The following TIAM2 variants were observed in gnomAD, a reference collection of about 807,000 sequenced individuals.
The protein encoded by TIAM2 is TIAM Rac1 associated GEF 2.
TIAM2 carries 80 observed loss-of-function variants against 152.9 expected under a neutral mutation model. The observed-to-expected ratio is 0.52, with a 90% confidence interval of 0.44 to 0.63. The LOEUF (loss-of-function observed/expected upper bound fraction) is 0.63, where lower values mean the gene tolerates loss of function less well. Among genes scored for constraint, TIAM2 ranks in the 30% least tolerant of loss-of-function variants. The pLI, the probability that TIAM2 is intolerant of heterozygous loss-of-function variation, is 0.00. For synonymous variants in TIAM2, 804 were observed against 838.0 expected, an observed-to-expected ratio of 0.96 and a Z score of 0.70; for missense variants, 1,965 against 2,120.1, an observed-to-expected ratio of 0.93 and a Z score of 1.44.
At position 155,175,411 on chromosome 6, in the gene TIAM2, G is replaced by T. The variant is rs561664203; in HGVS notation, c.2362-1405G>T. ...ATTCAAAGTAAAATCACCCATTAAT[G>T]ATAACTTTAAAGTATGATGAATGAT... is the stretch of plus-strand genomic sequence containing the variant. On this transcript the variant is annotated intron_variant, in intron 9 of 26. Transcript: ENST00000682666. Among the ~76,000 whole-genome samples, 7 of 152,294 alleles carry T rather than the reference G, an allele frequency of 4.6e-5. No homozygotes were observed. In the East Asian group the frequency reaches 1.2e-3, roughly 25 times the overall value.
At chr6:155,031,216 A>G (rs1273965892) in intron 1 of TIAM2, among the ~76,000 whole-genome samples, 1 of 152,152 alleles carries the variant, frequency 6.6e-6, no homozygotes, top group East Asian at 1.9e-4. Context: ...ACTTCTTGTC[A>G]ATTTCTTTGT....
chr6:155,036,320 G>A (rs1287610671), intron 1 of TIAM2, among the ~76,000 whole-genome samples: 1 of 151,922 alleles, frequency 6.6e-6, no homozygotes, highest in Non-Finnish European at 1.5e-5. Flanking sequence ...ATCACTTGAG[G>A]TCAGGAATTT....
At chr6:155,191,074 C>T (rs776130753) in intron 14 of TIAM2, among the ~76,000 whole-genome samples, 2 of 152,142 alleles carry the variant, frequency 1.3e-5, no homozygotes, top group Non-Finnish European at 2.9e-5. Flanking sequence ...ACTATCTTCG[C>T]TTTTTCAGAT....
At chr6:155,058,442 G>A (rs1036802474) in intron 1 of TIAM2, among the ~76,000 whole-genome samples, 3 of 152,088 alleles carry the variant, frequency 2.0e-5, no homozygotes, top group African/African-American at 7.2e-5. Context: ...GATAAATTTG[G>A]CAAACACTTT....
chr6:155,118,413 T>C (rs551687198), intron 2 of TIAM2, among the ~76,000 whole-genome samples: 3 of 72,942 alleles, frequency 4.1e-5, no homozygotes, highest in South Asian at 8.7e-4. Flanking sequence ...TATTTTTCTT[T>C]TTTCTTTTTC....
chr6:155,129,972 A>T lies in TIAM2; in HGVS notation c.749A>T (p.Tyr250Phe), dbSNP rs762066322. 1 of 1,614,104 alleles carries T rather than the reference A, an allele frequency of 6.2e-7. No homozygotes were observed. The highest frequency in any genetic ancestry group is 8.5e-7 in the Non-Finnish European group (1 of 1,180,040). Reference sequence around the variant, plus strand: ...TCCCTGAGTTCTGAGTCATCCTGGTACGACTCCCCTTGGGGCAATGCTGGA... The same window carrying T: ...TCCCTGAGTTCTGAGTCATCCTGGTTCGACTCCCCTTGGGGCAATGCTGGA... ...GSSLSSESSW[Y>F]DSPWGNAGEL... Residue 250 changes from tyrosine to phenylalanine, a missense_variant, in exon 4 of 27, where the codon TAC becomes TTC. Around this residue, in one of 3 missense-constraint regions of TIAM2, gnomAD observed 1,025 missense variants for 1,119.4 expected, o/e 0.92. Transcript: ENST00000682666. This position sits in a 1 kb window ranked among gnomAD's most constrained non-coding sequence, Gnocchi z 4.8.
chr6:155,256,919 T>C lies in TIAM2; in HGVS notation c.4904T>C (p.Ile1635Thr), dbSNP rs745889030. ...CTGGTCCGGGGGCACTTCTGCCCCA[T>C]TAAACGAAAAGCCAACAGCACCAAG... ...PKLVRGHFCP[I>T]KRKANSTKRD... Residue 1635 changes from isoleucine (I) to threonine (T), a missense_variant, in exon 27 of 27, where the codon ATT becomes ACT. Ile to Thr is a moderately conservative substitution (Grantham distance 89). Transcript: ENST00000682666. The C allele has an allele frequency of 3.7e-6, 6 of 1,614,148 alleles. No homozygotes were observed. Among genetic ancestry groups the C allele is most frequent in the South Asian group, 3.3e-5 (3 of 91,078 alleles).
intron 7 of TIAM2, among the ~76,000 whole-genome samples, chr6:155,152,161 A>T (rs561617912): frequency 6.6e-6 from 1 of 152,256 alleles, no homozygotes; most frequent in South Asian, 2.1e-4. Flanking sequence ...TTAGAATCTT[A>T]AAGACAGTAA....
At chr6:155,092,629 G>A (rs1167784134) in intron 2 of TIAM2, among the ~76,000 whole-genome samples, 1 of 152,010 alleles carries the variant, frequency 6.6e-6, no homozygotes, top group Non-Finnish European at 1.5e-5. Flanking sequence ...GCTGAGGCAG[G>A]CGGATCACCT....
At chr6:155,251,103 C>G in intron 22 of TIAM2, 82 bp downstream of exon 22, 2 of 1,198,058 alleles carry the variant, frequency 1.7e-6, no homozygotes, top group Non-Finnish European at 2.5e-6. Flanking sequence ...CAGTCCAGCT[C>G]ACTCCTGAGC....
At position 155,111,753 on chromosome 6, in the gene TIAM2, C is replaced by T. The variant is rs185495903; in HGVS notation, c.-117-15737C>T. On this transcript the variant is annotated intron_variant, in intron 2 of 26. Transcript: ENST00000682666. ...CACATTTTCCCTTTAATTCTCATTGCGTGCTGGAATTTTTCCTGAAGATAC... is the reference window on the plus strand; with the variant it reads ...CACATTTTCCCTTTAATTCTCATTGTGTGCTGGAATTTTTCCTGAAGATAC... Among the ~76,000 whole-genome samples the T allele has an allele frequency of 2.2e-4, 34 of 152,224 alleles. No homozygotes were observed. In the South Asian group the frequency reaches 4.4e-3, roughly 20 times the overall value.
chr6:155,159,405 A>T (rs1354379121), intron 7 of TIAM2, among the ~76,000 whole-genome samples: 2 of 152,110 alleles, frequency 1.3e-5, no homozygotes, highest in Non-Finnish European at 2.9e-5. Context: ...GGGCCCCGTT[A>T]TAGCTACTTG....
At chr6:155,032,533 C>T (rs1439187215) in intron 1 of TIAM2, among the ~76,000 whole-genome samples, 1 of 152,014 alleles carries the variant, frequency 6.6e-6, no homozygotes, top group Non-Finnish European at 1.5e-5. Context: ...CTTTAGGCTG[C>T]AGGGATTTTT....
intron 1 of TIAM2, among the ~76,000 whole-genome samples, chr6:155,061,080 G>C (rs1007508369): frequency 2.0e-5 from 3 of 152,180 alleles, no homozygotes; most frequent in African/African-American, 7.2e-5. Flanking sequence ...TAGAAACCAA[G>C]TTCTGGGTGC....
chr6:155,194,259 A>C (rs948710144), intron 14 of TIAM2, among the ~76,000 whole-genome samples: 1 of 152,106 alleles, frequency 6.6e-6, no homozygotes, highest in Non-Finnish European at 1.5e-5. Flanking sequence ...TCAGGTGCAA[A>C]TGGGGAAGAG....
At chr6:155,217,728 A>T (rs1371209858) in intron 15 of TIAM2, among the ~76,000 whole-genome samples, 1 of 152,228 alleles carries the variant, frequency 6.6e-6, no homozygotes, top group African/African-American at 2.4e-5. Context: ...AACAGAGAGC[A>T]TTGAGAATCT....
intron 2 of TIAM2, among the ~76,000 whole-genome samples, chr6:155,106,518 A>G (rs901243273): frequency 3.9e-5 from 6 of 152,184 alleles, no homozygotes; most frequent in African/African-American, 1.4e-4. Flanking sequence ...CAAGGAACAC[A>G]AGTAAGTTTA....
chr6:155,024,020 C>T (rs1400351085), intron 1 of TIAM2, among the ~76,000 whole-genome samples: 2 of 152,084 alleles, frequency 1.3e-5, no homozygotes, highest in Non-Finnish European at 2.9e-5. Context: ...ACTCTGCATG[C>T]GGCTCTCCAG....
intron 19 of TIAM2, among the ~76,000 whole-genome samples, chr6:155,247,736 C>T (rs1783418536): frequency 6.6e-6 from 1 of 152,186 alleles, no homozygotes; most frequent in Non-Finnish European, 1.5e-5. Flanking sequence ...GACATTCCTG[C>T]ATTTTGAGTC....
Sources: allele counts gnomAD v4.1 joint callset (sites outside exome capture counted in the v4.1 genomes callset), GRCh38; gene constraint gnomAD v4.1.1; regional missense constraint gnomAD v4.1.1; non-coding constraint Gnocchi (gnomAD v3.1); transcripts MANE v1.5; gene names NCBI Gene and HGNC (gene_info 2026-07-23, HGNC 2026-07-21).